ACSBG1: variants seen among roughly 807,000 people sequenced by gnomAD.
ACSBG1 encodes the protein long-chain-fatty-acid--CoA ligase ACSBG1.
Under a neutral mutation model 80.2 loss-of-function variants are expected in ACSBG1, and 39 were observed. That is an observed-to-expected ratio of 0.49 (90% CI 0.38 to 0.64). The LOEUF (loss-of-function observed/expected upper bound fraction) is 0.64, where lower values mean the gene tolerates loss of function less well. Among genes scored for constraint, ACSBG1 ranks in the 30% least tolerant of loss-of-function variants. ACSBG1 has a pLI of 0.00. For synonymous variants in ACSBG1, 392 were observed against 379.5 expected, an observed-to-expected ratio of 1.03 and a Z score of -0.38; for missense variants, 828 against 966.4, an observed-to-expected ratio of 0.86 and a Z score of 1.90.
Position 78,169,083 on chromosome 15 carries a change from T to C in ACSBG1, c.*2361A>G. ...CCTCTGTTTAGAATACCTACGTATG[T>C]ATGCATTGGTTTGCTTGTTTCTTGA... On this transcript the variant is annotated 3_prime_UTR_variant, in exon 14 of 14. Coordinates refer to ENST00000258873, the MANE Select transcript of ACSBG1 (RefSeq NM_015162.5). 1.2e-6 allele frequency: 1 copy of C among 824,212 alleles called. No individual in the cohort carries two copies. 51.1% of individuals were successfully genotyped at this position (824,212 alleles called of 1,614,324 possible).
intron 11 of ACSBG1, among the ~76,000 whole-genome samples, chr15:78,175,287 C>G (rs2074871678): frequency 6.6e-6 from 1 of 152,236 alleles, no homozygotes; most frequent in Non-Finnish European, 1.5e-5. Context: ...TGTACATTGA[C>G]TAATTTTAGT....
chr15:78,219,488 T>C (rs186593320), intron 1 of ACSBG1, among the ~76,000 whole-genome samples: 1 of 151,714 alleles, frequency 6.6e-6, no homozygotes, highest in African/African-American at 2.4e-5. Flanking sequence ...GAACTATTTT[T>C]AACTTGAACA....
chr15:78,181,837 T>A, intron 8 of ACSBG1, 132 bp downstream of exon 8: 5 of 1,232,822 alleles, frequency 4.1e-6, no homozygotes, highest in African/African-American at 1.5e-5. Context: ...CTGTGCCCAC[T>A]GCAGCTGACA....
intron 2 of ACSBG1, chr15:78,207,714 GC>G (rs1259627255): frequency 2.4e-6 from 1 of 423,348 alleles, no homozygotes; most frequent in Non-Finnish European, 4.3e-6. Context: ...CAAGGCCTGG[GC>G]CCAGATGATG....
At chr15:78,194,351 G>A (rs1415941058) in intron 3 of ACSBG1, among the ~76,000 whole-genome samples, 155 bp downstream of exon 3, 1 of 152,240 alleles carries the variant, frequency 6.6e-6, no homozygotes, top group Non-Finnish European at 1.5e-5. Context: ...ACGGGGCCCA[G>A]CATGGAGTAT....
intron 5 of ACSBG1, among the ~76,000 whole-genome samples, chr15:78,184,887 T>C (rs1595884437): frequency 6.6e-6 from 1 of 152,170 alleles, no homozygotes; most frequent in South Asian, 2.1e-4. Flanking sequence ...TTTCAGATAC[T>C]GGACTACAGA....
chr15:78,233,965 G>A (rs1237281565), intron 1 of ACSBG1, among the ~76,000 whole-genome samples: 1 of 152,214 alleles, frequency 6.6e-6, no homozygotes, highest in Non-Finnish European at 1.5e-5. Flanking sequence ...AAAGGCACTT[G>A]CCAAGGTCAC....
chr15:78,228,090 G>C lies in ACSBG1; in HGVS notation c.131+6281C>G, dbSNP rs552845824. Among the ~76,000 whole-genome samples, 7 of 152,266 alleles carry C rather than the reference G, an allele frequency of 4.6e-5. No individual in the cohort carries two copies. The South Asian group carries it at 1.5e-3, about 32-fold the overall frequency. On this transcript the variant is annotated intron_variant, in intron 1 of 13. Transcript: ENST00000258873. ...CTAAATTCTTATTTTACAGCTGCTCGGGGCCAGAGTCTGAGCTAGGCCCTA... is the reference window on the plus strand; with the variant it reads ...CTAAATTCTTATTTTACAGCTGCTCCGGGCCAGAGTCTGAGCTAGGCCCTA...
intron 7 of ACSBG1, 92 bp downstream of exon 7, chr15:78,182,374 A>G (rs2074955253): frequency 6.5e-7 from 1 of 1,527,328 alleles, no homozygotes. Context: ...GGGCCCAAGG[A>G]GCTTTCCCAG....
intron 1 of ACSBG1, among the ~76,000 whole-genome samples, chr15:78,230,513 C>T (rs936632442): frequency 6.6e-6 from 1 of 152,232 alleles, no homozygotes; most frequent in African/African-American, 2.4e-5. Flanking sequence ...GCCACAAGGT[C>T]AGGGCAAACG....
chr15:78,212,595 G>A, intron 1 of ACSBG1: 1 of 455,932 alleles, frequency 2.2e-6, no homozygotes, highest in South Asian at 1.5e-5. Context: ...AGCACCTCTG[G>A]CATGGTGCCT....
intron 5 of ACSBG1, among the ~76,000 whole-genome samples, chr15:78,184,514 T>C (rs2074980118): frequency 6.6e-6 from 1 of 152,140 alleles, no homozygotes; most frequent in African/African-American, 2.4e-5. Flanking sequence ...ATAATACTAT[T>C]TCAAAATTAT....
chr15:78,213,235 G>A (rs1020119265), intron 1 of ACSBG1, among the ~76,000 whole-genome samples: 4 of 152,292 alleles, frequency 2.6e-5, no homozygotes, highest in South Asian at 4.1e-4. Flanking sequence ...CTGCAATGGC[G>A]ATTCACGCTA....
chr15:78,183,176 A>T (rs574960654), intron 5 of ACSBG1, among the ~76,000 whole-genome samples: 1 of 152,364 alleles, frequency 6.6e-6, no homozygotes, highest in South Asian at 2.1e-4. Flanking sequence ...TCTAGGATAT[A>T]TTATTAAGTG....
intron 12 of ACSBG1, 84 bp from the exon 13 acceptor site, chr15:78,173,923 G>C: frequency 1.3e-6 from 2 of 1,499,150 alleles, no homozygotes; most frequent in Non-Finnish European, 1.8e-6. Flanking sequence ...TACTGCTGTC[G>C]GCAAGGGTGT....
Position 78,171,396 on chromosome 15 carries a change from C to T in ACSBG1, c.*48G>A, listed in dbSNP as rs941896452. The T allele has an allele frequency of 1.1e-5, 16 of 1,522,890 alleles. No homozygotes were observed. The highest frequency in any genetic ancestry group is 1.4e-5 in the Non-Finnish European group (15 of 1,101,802). The allele number at this position is 1,522,890 out of a possible 1,614,324, so 94.3% of individuals were successfully genotyped here. A position where few individuals can be genotyped will look rare whatever the true frequency, so the allele number is the denominator to read the frequency against. On this transcript the variant is annotated 3_prime_UTR_variant, in exon 14 of 14. Coordinates refer to ENST00000258873, the MANE Select transcript of ACSBG1 (RefSeq NM_015162.5). ...GAGACCTGGGGCTCAGGAAGAGGCT[C>T]GGAACGCCTGCCCTCTATTCTATAG...
chr15:78,185,355 T>C (rs551293519), intron 5 of ACSBG1, among the ~76,000 whole-genome samples: 24 of 152,264 alleles, frequency 1.6e-4, no homozygotes, highest in Non-Finnish European at 3.2e-4. Flanking sequence ...CCCACCAGCA[T>C]GGAGGGACCC....
At chr15:78,228,787 T>C (rs1480168368) in intron 1 of ACSBG1, among the ~76,000 whole-genome samples, 1 of 152,186 alleles carries the variant, frequency 6.6e-6, no homozygotes, top group African/African-American at 2.4e-5. Flanking sequence ...TCTTGAACAC[T>C]ACAAGCTCCA....
chr15:78,206,013 G>C (rs2075210557), intron 2 of ACSBG1, among the ~76,000 whole-genome samples: 1 of 152,148 alleles, frequency 6.6e-6, no homozygotes, highest in Admixed American at 6.5e-5. Flanking sequence ...GTAGCGCAGA[G>C]GCTCCCCCTC....
Sources: gnomAD v4.1 joint callset for allele counts (sites outside exome capture counted in the v4.1 genomes callset) on GRCh38, gnomAD v4.1.1 for gene constraint, MANE v1.5 for transcripts, NCBI Gene and HGNC (gene_info 2026-07-23, HGNC 2026-07-21) for gene names.